ARHGAP24: variants seen among roughly 807,000 people sequenced by gnomAD.
ARHGAP24 encodes rho GTPase-activating protein 24.
A neutral mutation model predicts 76.4 loss-of-function variants in ARHGAP24; 50 were observed. That is an observed-to-expected ratio of 0.65 (90% CI 0.52 to 0.83). The LOEUF (loss-of-function observed/expected upper bound fraction) is 0.83. Among genes scored for constraint, ARHGAP24 ranks in the 40% least tolerant of loss-of-function variants. The pLI is 0.00. For missense variants in ARHGAP24, 930 were observed against 914.2 expected, an observed-to-expected ratio of 1.02 and a Z score of -0.22; for synonymous variants, 345 against 323.3, an observed-to-expected ratio of 1.07 and a Z score of -0.72.
At chr4:85,716,902 G>T (rs1483340468) in intron 2 of ARHGAP24, among the ~76,000 whole-genome samples, 5 of 152,064 alleles carry the variant, frequency 3.3e-5, no homozygotes, top group Non-Finnish European at 7.4e-5. Flanking sequence ...GGAAACAGGT[G>T]AATAAATATC....
chr4:85,794,326 A>G (rs1728254540), intron 3 of ARHGAP24, among the ~76,000 whole-genome samples: 1 of 152,188 alleles, frequency 6.6e-6, no homozygotes, highest in African/African-American at 2.4e-5. Flanking sequence ...ATGCCACTGA[A>G]GATTATTTTT....
intron 3 of ARHGAP24, among the ~76,000 whole-genome samples, chr4:85,762,857 G>T (rs983994484): frequency 2.1e-4 from 32 of 152,122 alleles, no homozygotes; most frequent in Admixed American, 2.1e-3. Context: ...AGATCAACAA[G>T]CTTAGAAATG....
chr4:85,570,429 CTCT>C, intron 1 of ARHGAP24, 90 bp from the exon 2 acceptor site: 2 of 589,574 alleles, frequency 3.4e-6, no homozygotes, highest in Non-Finnish European at 5.3e-6. Context: ...CTCTCTCTCT[CTCT>C]TTTTTTTTTT....
At chr4:85,960,297 G>A (rs346479) in intron 5 of ARHGAP24, among the ~76,000 whole-genome samples, 9 of 152,182 alleles carry the variant, frequency 5.9e-5, no homozygotes, top group African/African-American at 1.4e-4. Context: ...TTGATAATCC[G>A]TGTTAAGGAA....
At chr4:85,930,659 T>C in intron 4 of ARHGAP24, 2 of 1,117,980 alleles carry the variant, frequency 1.8e-6, no homozygotes, top group Non-Finnish European at 2.2e-6. Context: ...CATTTTGGAA[T>C]GTCTGCAGAA....
intron 5 of ARHGAP24, among the ~76,000 whole-genome samples, chr4:85,958,228 A>G (rs1453629093): frequency 6.6e-6 from 1 of 152,200 alleles, no homozygotes; most frequent in Non-Finnish European, 1.5e-5. Context: ...TAGAAATCAT[A>G]ATGTCTAATC....
intron 2 of ARHGAP24, among the ~76,000 whole-genome samples, chr4:85,615,104 G>A (rs78293459): frequency 0.024 from 3,706 of 151,962 alleles, 143 homozygotes; most frequent in African/African-American, 0.085. Flanking sequence ...TTTTAAAAGG[G>A]TGTGTTTTTC....
chr4:85,710,036 TA>T (rs1352027306), intron 2 of ARHGAP24, among the ~76,000 whole-genome samples: 2 of 151,954 alleles, frequency 1.3e-5, no homozygotes, highest in African/African-American at 4.8e-5. Context: ...TATATGGAAC[TA>T]AAAAAAGAGC....
chr4:85,565,989 G>C (rs994825005), intron 1 of ARHGAP24, among the ~76,000 whole-genome samples: 2 of 152,116 alleles, frequency 1.3e-5, no homozygotes, highest in Non-Finnish European at 2.9e-5. Flanking sequence ...GTTGAAACCA[G>C]TTTCCTCCTC....
At chr4:85,496,134 C>T (rs995953291) in intron 1 of ARHGAP24, among the ~76,000 whole-genome samples, 1 of 152,204 alleles carries the variant, frequency 6.6e-6, no homozygotes, top group African/African-American at 2.4e-5. Flanking sequence ...CAAATGCCAA[C>T]ATTTTTGTAA....
chr4:85,804,288 G>A (rs1728700939), intron 3 of ARHGAP24, among the ~76,000 whole-genome samples: 1 of 152,152 alleles, frequency 6.6e-6, no homozygotes, highest in Non-Finnish European at 1.5e-5. Flanking sequence ...ATAACTTAGT[G>A]AATGATACAG....
chr4:85,791,297 T>C (rs906467678), intron 3 of ARHGAP24, among the ~76,000 whole-genome samples: 1 of 152,196 alleles, frequency 6.6e-6, no homozygotes. Context: ...TAAATTCTGA[T>C]ACTATAACAT....
intron 3 of ARHGAP24, among the ~76,000 whole-genome samples, chr4:85,729,712 A>G (rs996666953): frequency 2.0e-5 from 3 of 152,218 alleles, no homozygotes; most frequent in African/African-American, 7.2e-5. Context: ...CAACTCTGCC[A>G]TGGTAGCGAA....
At chr4:85,542,034 G>A (rs1725724732) in intron 1 of ARHGAP24, among the ~76,000 whole-genome samples, 1 of 152,146 alleles carries the variant, frequency 6.6e-6, no homozygotes, top group Non-Finnish European at 1.5e-5. Context: ...TCATTTGAAA[G>A]TAAAGAGGTG....
intron 3 of ARHGAP24, among the ~76,000 whole-genome samples, chr4:85,746,454 A>AT (rs1442338709): frequency 2.0e-5 from 3 of 152,036 alleles, no homozygotes; most frequent in South Asian, 2.1e-4. Flanking sequence ...CAAGAGAAGC[A>AT]TTTTTTCTTA....
intron 3 of ARHGAP24, among the ~76,000 whole-genome samples, chr4:85,855,846 C>A (rs548503496): frequency 6.6e-6 from 1 of 151,842 alleles, no homozygotes; most frequent in Non-Finnish European, 1.5e-5. Flanking sequence ...TCCTTCATAC[C>A]CTCATCTGGC....
chr4:85,768,990 C>T (rs1382622204), intron 3 of ARHGAP24, among the ~76,000 whole-genome samples: 2 of 152,100 alleles, frequency 1.3e-5, no homozygotes, highest in Non-Finnish European at 2.9e-5. Context: ...AGAGACACTG[C>T]AGAGCCTAAT....
At chr4:85,721,052 T>C (rs752859399) in intron 2 of ARHGAP24, among the ~76,000 whole-genome samples, 3 of 152,072 alleles carry the variant, frequency 2.0e-5, no homozygotes, top group Non-Finnish European at 2.9e-5. Flanking sequence ...GACTTTTAAG[T>C]ATATCTCAGC....
At chr4:85,691,034 G>A (rs1723635494) in intron 2 of ARHGAP24, among the ~76,000 whole-genome samples, 1 of 151,974 alleles carries the variant, frequency 6.6e-6, no homozygotes, top group Admixed American at 6.6e-5. Context: ...AGAGATTTTG[G>A]TAAGTTGCAT....
Sources: gnomAD v4.1 joint callset for allele counts (sites outside exome capture counted in the v4.1 genomes callset) on GRCh38, gnomAD v4.1.1 for gene constraint, MANE v1.5 for transcripts, NCBI Gene and HGNC (gene_info 2026-07-23, HGNC 2026-07-21) for gene names.